The following ANKRD34C variants were observed in gnomAD, a reference collection of about 807,000 sequenced individuals.
ANKRD34C encodes ankyrin repeat domain-containing protein 34C.
For missense variants in ANKRD34C, 563 were observed against 653.0 expected (o/e 0.86, Z 1.50); for synonymous variants, 260 against 253.6 (o/e 1.03, Z -0.24).
At position 79,291,545 on chromosome 15, in the gene ANKRD34C, A is replaced by C. The variant is rs139364477; in HGVS notation, c.-44-1696A>C. ...TAATTAAAATTGACAGAAAGAGAGG[A>C]GAGAAAGACCATTCACACACACACA... On this transcript the variant is annotated intron_variant, in intron 1 of 1. Transcript: ENST00000421388. Among the ~76,000 whole-genome samples the C allele has an allele frequency of 2.7e-3, 403 of 147,894 alleles. 3 individuals are homozygous for C. Among genetic ancestry groups the C allele is most frequent in the Admixed American group, 0.017 (247 of 14,608 alleles).
chr15:79,293,751 A>G lies in ANKRD34C; in HGVS notation c.467A>G (p.Lys156Arg). The part of the protein sequence containing the change: ...GKEVIIITTD[K>R]SSSGTKTTKQ... ...GAGGTGATTATTATAACAACAGATA[A>G]ATCGTCTTCAGGCACCAAAACCACC... Residue 156 changes from lysine (K) to arginine (R), a missense_variant, in exon 2 of 2, where the codon AAA becomes AGA. Lys to Arg is a conservative substitution (Grantham distance 26, BLOSUM62 2). Transcript: ENST00000421388. The G allele has an allele frequency of 6.4e-7, 1 of 1,551,718 alleles. No individual in the cohort carries two copies.
chr15:79,290,612 A>C (rs2058656702), intron 1 of ANKRD34C, among the ~76,000 whole-genome samples: 1 of 152,130 alleles, frequency 6.6e-6, no homozygotes, highest in Non-Finnish European at 1.5e-5. Flanking sequence ...GGTATTCCAG[A>C]CTTCTTTACA....
At chr15:79,284,966 T>A (rs1393407695) in intron 1 of ANKRD34C, among the ~76,000 whole-genome samples, 1 of 152,232 alleles carries the variant, frequency 6.6e-6, no homozygotes, top group Non-Finnish European at 1.5e-5. Flanking sequence ...CATTAATGGT[T>A]TTTAAAACCA....
At chr15:79,290,920 T>A (rs967720852) in intron 1 of ANKRD34C, among the ~76,000 whole-genome samples, 1 of 152,244 alleles carries the variant, frequency 6.6e-6, no homozygotes, top group Non-Finnish European at 1.5e-5. Context: ...TGTCAGTCTG[T>A]CTAATTTTAG....
chr15:79,284,813 A>G (rs1006108605), intron 1 of ANKRD34C, among the ~76,000 whole-genome samples: 1 of 152,202 alleles, frequency 6.6e-6, no homozygotes, highest in Admixed American at 6.5e-5. Context: ...TCAGGTACTT[A>G]GTAGCAGAGC....
Position 79,297,401 on chromosome 15 carries a change from T to G in ANKRD34C, c.*2509T>G, listed in dbSNP as rs1316579993. On this transcript the variant is annotated 3_prime_UTR_variant, in exon 2 of 2. Transcript: ENST00000421388. Reference sequence around the variant, plus strand: ...ATAGGAGCATTTTTTTTCTAAACCTTTAGCTAAGATTTGGAAACCCAATAT... The same window carrying G: ...ATAGGAGCATTTTTTTTCTAAACCTGTAGCTAAGATTTGGAAACCCAATAT... 3.0e-5 allele frequency: 5 copies of G among 167,118 alleles called. No individual in the cohort carries two copies. Among genetic ancestry groups the G allele is most frequent in the Non-Finnish European group, 7.3e-5 (5 of 68,130 alleles). 10.4% of individuals were successfully genotyped at this position (167,118 alleles called of 1,614,324 possible).
rs868753966 is a variant in ANKRD34C at position 79,291,599 on chromosome 15, C to G, written c.-44-1642C>G. On this transcript the variant is annotated intron_variant, in intron 1 of 1. Transcript: ENST00000421388. ...ACACACACACACACACACACACACACACAGAGAGAGAGAGAGAGAGAGAGA... is the reference window on the plus strand; with the variant it reads ...ACACACACACACACACACACACACAGACAGAGAGAGAGAGAGAGAGAGAGA... 1.9e-3 allele frequency among the ~76,000 whole-genome samples: 193 copies of G among 104,086 alleles called. 1 individual carries two copies. The highest frequency in any genetic ancestry group is 0.013 in the Admixed American group (121 of 9,470). 68.3% of individuals were successfully genotyped at this position (104,086 alleles called of 152,430 possible).
Position 79,293,519 on chromosome 15 carries a change from A to C in ANKRD34C, c.235A>C (p.Asn79His), listed in dbSNP as rs1428381890. The C allele has an allele frequency of 4.5e-6, 7 of 1,551,496 alleles. No homozygotes were observed. Among genetic ancestry groups the C allele is most frequent in the African/African-American group, 1.4e-5 (1 of 73,050 alleles). The change falls in exon 2 of 2, where the codon AAT (asparagine) becomes CAT (histidine). Residue 79 changes from asparagine (N) to histidine (H), a missense_variant. Transcript: ENST00000421388. ...KYLLDNRADP[N>H]IQDKSGKTAL... ...CCTGCTGGACAACAGGGCAGACCCC[A>C]ATATCCAAGATAAGTCTGGCAAGAC... is the stretch of plus-strand genomic sequence containing the variant.
In ANKRD34C at chr15:79,294,736, T is replaced by A; in HGVS notation, c.1452T>A (p.Ser484=). 1 of 1,551,758 alleles carries A rather than the reference T, an allele frequency of 6.4e-7. No individual in the cohort carries two copies. The highest frequency in any genetic ancestry group is 8.7e-7 in the Non-Finnish European group (1 of 1,146,994). ...IPDIRSSSKP[S]CSLASGLKSM... is the part of the protein sequence containing the mutation. ...ATATTAGATCTAGCAGCAAACCTTCTTGCTCTCTTGCTAGTGGCTTAAAAT... is the reference window on the plus strand; with the variant it reads ...ATATTAGATCTAGCAGCAAACCTTCATGCTCTCTTGCTAGTGGCTTAAAAT... Residue 484 remains serine, a synonymous_variant, in exon 2 of 2, where the codon TCT becomes TCA. Transcript: ENST00000421388.
At chr15:79,283,496 T>A (rs1216986947) in intron 1 of ANKRD34C, among the ~76,000 whole-genome samples, 1 of 152,052 alleles carries the variant, frequency 6.6e-6, no homozygotes, top group African/African-American at 2.4e-5. Context: ...GGTGTCTGGA[T>A]TTTTGCAGGG....
At position 79,291,601 on chromosome 15, in the gene ANKRD34C, C is replaced by G. The variant is rs12899356; in HGVS notation, c.-44-1640C>G. Among the ~76,000 whole-genome samples the G allele has an allele frequency of 2.7e-3, 227 of 83,982 alleles. 2 individuals are homozygous for G. Among genetic ancestry groups the G allele is most frequent in the East Asian group, 0.014 (34 of 2,346 alleles). The allele number at this position is 83,982 out of a possible 152,430, so 55.1% of individuals were successfully genotyped here. ...ACACACACACACACACACACACACA[C>G]AGAGAGAGAGAGAGAGAGAGAGAGA... is the stretch of plus-strand genomic sequence containing the variant. On this transcript the variant is annotated intron_variant, in intron 1 of 1. Transcript: ENST00000421388.
At chr15:79,292,269 A>G (rs957241004) in intron 1 of ANKRD34C, among the ~76,000 whole-genome samples, 2 of 152,154 alleles carry the variant, frequency 1.3e-5, no homozygotes, top group African/African-American at 2.4e-5. Flanking sequence ...AGACTGGGAC[A>G]CCCATCTCTT....
intron 1 of ANKRD34C, among the ~76,000 whole-genome samples, chr15:79,289,771 A>G (rs188164752): frequency 1.3e-5 from 2 of 152,242 alleles, no homozygotes; most frequent in East Asian, 3.9e-4. Context: ...CAGTATTTCT[A>G]GCTTGAGGGG....
Position 79,285,095 on chromosome 15 carries a change from G to A in ANKRD34C, c.-45+1867G>A, listed in dbSNP as rs139826011. Reference sequence around the variant, plus strand: ...GCTCCACAAGATGTCAGGTTTGCACGTATTCGAAGTAGTCGAGAAAACAGA... The same window carrying A: ...GCTCCACAAGATGTCAGGTTTGCACATATTCGAAGTAGTCGAGAAAACAGA... On this transcript the variant is annotated intron_variant, in intron 1 of 1. Coordinates refer to ENST00000421388, the MANE Select transcript of ANKRD34C (RefSeq NM_001146341.2). Among the ~76,000 whole-genome samples the A allele has an allele frequency of 6.4e-4, 98 of 152,314 alleles. 1 individual carries two copies. Among genetic ancestry groups the A allele is most frequent in the African/African-American group, 2.1e-3 (88 of 41,566 alleles).
At chr15:79,287,723 T>C (rs1190932352) in intron 1 of ANKRD34C, among the ~76,000 whole-genome samples, 1 of 152,208 alleles carries the variant, frequency 6.6e-6, no homozygotes, top group East Asian at 1.9e-4. Context: ...CCAAAGTCAG[T>C]TGAAACTTCA....
At position 79,294,993 on chromosome 15, in the gene ANKRD34C, A is replaced by T; in HGVS notation, c.*101A>T. On this transcript the variant is annotated 3_prime_UTR_variant, in exon 2 of 2. Transcript: ENST00000421388. ...CTTAATGTTGAACTGTGGCCACTTCAGAAGATATAAAAGCAGGATGCTGCT... is the reference window on the plus strand; with the variant it reads ...CTTAATGTTGAACTGTGGCCACTTCTGAAGATATAAAAGCAGGATGCTGCT... The T allele has an allele frequency of 7.9e-7, 1 of 1,266,258 alleles. No individual in the cohort carries two copies. Among genetic ancestry groups the T allele is most frequent in the Non-Finnish European group, 1.1e-6 (1 of 936,432 alleles). The allele number at this position is 1,266,258 out of a possible 1,614,324, so 78.4% of individuals were successfully genotyped here.
At chr15:79,287,485 A>G (rs1447871659) in intron 1 of ANKRD34C, among the ~76,000 whole-genome samples, 1 of 152,220 alleles carries the variant, frequency 6.6e-6, no homozygotes, top group Admixed American at 6.5e-5. Flanking sequence ...TGAATTTTAT[A>G]CATCTCTTTA....
intron 1 of ANKRD34C, among the ~76,000 whole-genome samples, chr15:79,291,814 G>A (rs2058660573): frequency 6.6e-6 from 1 of 152,130 alleles, no homozygotes; most frequent in Non-Finnish European, 1.5e-5. Context: ...TGCATTTGAG[G>A]AAGCAGAAAG....
In ANKRD34C at chr15:79,296,614, T is replaced by A. The variant is rs939789125; in HGVS notation, c.*1722T>A. The A allele has an allele frequency of 1.8e-5, 3 of 167,116 alleles. No individual in the cohort carries two copies. Among genetic ancestry groups the A allele is most frequent in the African/African-American group, 4.8e-5 (2 of 41,474 alleles). The allele number at this position is 167,116 out of a possible 1,614,324, so 10.4% of individuals were successfully genotyped here. On this transcript the variant is annotated 3_prime_UTR_variant, in exon 2 of 2. Transcript: ENST00000421388. ...TTATATAATTTTTCTATAACTACCT[T>A]TGCTAGAAATTTATCTGAATATTCC...
Sources: gnomAD v4.1 joint callset for allele counts (sites outside exome capture counted in the v4.1 genomes callset) on GRCh38, gnomAD v4.1.1 for gene constraint, MANE v1.5 for transcripts, NCBI Gene and HGNC (gene_info 2026-07-23, HGNC 2026-07-21) for gene names.